Variants in PTPN21 observed in about 807,000 individuals in gnomAD.
PTPN21 encodes the protein protein tyrosine phosphatase non-receptor type 21.
In PTPN21, 77 loss-of-function variants were observed where a neutral mutation model predicts 131.8. The observed-to-expected ratio is 0.58, with a 90% CI of 0.49 to 0.71. The LOEUF (loss-of-function observed/expected upper bound fraction) is 0.71, where lower values mean the gene tolerates loss of function less well. Ranked by LOEUF, PTPN21 falls within the 30% of genes least tolerant of loss-of-function variation. The probability of loss-of-function intolerance (pLI) is 0.00; values close to 1 mark genes in which losing one functional copy is unlikely to be tolerated. For synonymous variants in PTPN21, 715 were observed against 621.3 expected (o/e 1.15, Z -2.24); for missense variants, 1,552 against 1,527.1 (o/e 1.02, Z -0.27).
Position 88,469,788 on chromosome 14 carries a change from T to A in PTPN21, c.3001-55A>T. On this transcript the variant is annotated intron_variant, in intron 16 of 18. Transcript: ENST00000556564. This position sits in a 1 kb window ranked among gnomAD's most constrained non-coding sequence, Gnocchi z 4.3. The stretch of plus-strand genomic sequence containing the variant: ...CGAGATCCGGCAATGGATGCCTTTC[T>A]CACATAGACGGCACATCTGAAACAG... 6.2e-7 allele frequency: 1 copy of A among 1,600,396 alleles called. No individual in the cohort carries two copies. Among genetic ancestry groups the A allele is most frequent in the East Asian group, 2.2e-5 (1 of 44,778 alleles).
At chr14:88,511,028 T>A (rs568308479) in intron 3 of PTPN21, among the ~76,000 whole-genome samples, 1 of 152,010 alleles carries the variant, frequency 6.6e-6, no homozygotes, top group South Asian at 2.1e-4. Context: ...TCCTTGAGCC[T>A]CAGCCTCCTG....
intron 2 of PTPN21, among the ~76,000 whole-genome samples, chr14:88,517,652 G>GCATATATACAGGTGTATATATACA (rs1555388042): frequency 2.9e-5 from 4 of 139,218 alleles, no homozygotes; most frequent in African/African-American, 1.1e-4. Flanking sequence ...TCATATATAT[G>GCATATATACAGGTGTATATATACA]TATATATACA....
At chr14:88,478,321 C>A (rs577890566) in intron 13 of PTPN21, among the ~76,000 whole-genome samples, 1 of 152,172 alleles carries the variant, frequency 6.6e-6, no homozygotes, top group Non-Finnish European at 1.5e-5. Flanking sequence ...CAGCTGAATT[C>A]ATCTTTCTTT....
chr14:88,515,939 T>G (rs1405038784), intron 3 of PTPN21, among the ~76,000 whole-genome samples: 2 of 152,188 alleles, frequency 1.3e-5, no homozygotes, highest in Non-Finnish European at 2.9e-5. Flanking sequence ...TCTCAGACTT[T>G]TACAGTCAGT....
Position 88,472,278 on chromosome 14 carries a change from T to C in PTPN21, c.2837A>G (p.Asn946Ser). The change falls in exon 15 of 19, where the codon AAC (asparagine) becomes AGC (serine). Residue 946 changes from asparagine to serine, a missense_variant. Asn to Ser is a conservative substitution (Grantham distance 46). Around this residue, in one of 4 missense-constraint regions of PTPN21, gnomAD observed 316 missense variants for 378.5 expected, o/e 0.83. Coordinates refer to ENST00000556564, the MANE Select transcript of PTPN21 (RefSeq NM_007039.4). ...VRVELVPTKE[N>S]NTGYINASHI... ...TGATGCGTTGATGTAACCAGTGTTG[T>C]TTTCTTTAGTTGGGACCAACTCCAC... 1 of 1,613,612 alleles carries C rather than the reference T, an allele frequency of 6.2e-7. No homozygotes were observed. The highest frequency in any genetic ancestry group is 8.5e-7 in the Non-Finnish European group (1 of 1,179,540).
intron 8 of PTPN21, among the ~76,000 whole-genome samples, chr14:88,498,879 GA>G (rs2077965211): frequency 6.7e-6 from 1 of 148,572 alleles, no homozygotes. Flanking sequence ...AATTATGGAA[GA>G]AAAAATTTTA....
At chr14:88,515,028 C>A (rs1430816623) in intron 3 of PTPN21, 1 of 152,080 alleles carries the variant, frequency 6.6e-6, no homozygotes, top group Non-Finnish European at 1.5e-5. Flanking sequence ...ATGTAATAGA[C>A]AGAACTCTGG....
chr14:88,501,496 A>G (rs952093685), intron 6 of PTPN21, 128 bp from the exon 7 acceptor site: 2 of 773,782 alleles, frequency 2.6e-6, no homozygotes, highest in Non-Finnish European at 4.3e-6. Context: ...CTAAGCATCT[A>G]TAATTGGCTA....
chr14:88,500,947 G>A, intron 7 of PTPN21, 76 bp from the exon 8 acceptor site: 1 of 1,055,298 alleles, frequency 9.5e-7, no homozygotes, highest in South Asian at 1.3e-5. Context: ...CCCTGGACTG[G>A]TTTCCCAGAT....
chr14:88,477,883 A>C (rs2077572203), intron 13 of PTPN21, among the ~76,000 whole-genome samples: 1 of 152,218 alleles, frequency 6.6e-6, no homozygotes, highest in African/African-American at 2.4e-5. Flanking sequence ...GACTGAGTTT[A>C]AAAGTTTCAG....
intron 3 of PTPN21, among the ~76,000 whole-genome samples, chr14:88,511,323 T>C (rs2078178469): frequency 6.6e-6 from 1 of 152,198 alleles, no homozygotes; most frequent in African/African-American, 2.4e-5. Context: ...AAAACCTTTT[T>C]GCTAAAATTT....
chr14:88,514,011 G>A (rs1191499144), intron 3 of PTPN21: 1 of 152,206 alleles, frequency 6.6e-6, no homozygotes, highest in African/African-American at 2.4e-5. Context: ...TTTCAATAGA[G>A]AGCTTCAAGT....
chr14:88,494,473 G>A (rs2077873921), intron 10 of PTPN21, among the ~76,000 whole-genome samples: 1 of 152,024 alleles, frequency 6.6e-6, no homozygotes, highest in African/African-American at 2.4e-5. Flanking sequence ...TTTGAGACCG[G>A]TGTGGGTAAC....
chr14:88,479,223 C>G lies in PTPN21; in HGVS notation c.2208G>C (p.Arg736=). ...CAGGTGGGTCCTGGGCCAGGCCGGG[C>G]CGAGGCTCGCGCGCACGTGCAGGAG... The part of the protein sequence containing the change: ...RAPPARAREP[R]PGLAQDPPGC... Residue 736 remains arginine, a synonymous_variant, in exon 13 of 19, where the codon CGG becomes CGC. Transcript: ENST00000556564. The G allele has an allele frequency of 6.2e-7, 1 of 1,601,358 alleles. No homozygotes were observed. Among genetic ancestry groups the G allele is most frequent in the South Asian group, 1.1e-5 (1 of 89,470 alleles).
Position 88,479,876 on chromosome 14 carries a change from G to A in PTPN21, c.1555C>T (p.His519Tyr). The change falls in exon 13 of 19, where the codon CAC becomes TAC. Residue 519 changes from histidine to tyrosine, a missense_variant. By Grantham distance (83) the His-to-Tyr change is moderately conservative (BLOSUM62 2). Transcript: ENST00000556564. ...HCPFSLSYSF[H>Y]SPSPYPYPAE... ...GGGTAGGGGTAGGGAGACGGGCTGT[G>A]GAAGCTGTAGCTCAGGCTGAACGGG... 6.3e-7 allele frequency: 1 copy of A among 1,581,362 alleles called. No homozygotes were observed. The highest frequency in any genetic ancestry group is 8.6e-7 in the Non-Finnish European group (1 of 1,167,600).
intron 3 of PTPN21, chr14:88,515,390 C>A (rs1351139486): frequency 7.9e-5 from 12 of 152,134 alleles, no homozygotes; most frequent in African/African-American, 2.9e-4. Context: ...TATTCCTAAA[C>A]TGGTGTCCTG....
chr14:88,521,746 T>C (rs1252105452), intron 2 of PTPN21, among the ~76,000 whole-genome samples: 1 of 151,980 alleles, frequency 6.6e-6, no homozygotes, highest in Non-Finnish European at 1.5e-5. Context: ...GAAAAGGTCT[T>C]AAAAATACCC....
chr14:88,492,015 G>T, intron 10 of PTPN21, among the ~76,000 whole-genome samples: 1 of 143,850 alleles, frequency 7.0e-6, no homozygotes, highest in South Asian at 2.2e-4. Flanking sequence ...CTTATTACAA[G>T]TTGTTAATTT....
chr14:88,503,753 A>G (rs143351477), intron 6 of PTPN21: 3 of 152,298 alleles, frequency 2.0e-5, no homozygotes, highest in Admixed American at 6.5e-5. Flanking sequence ...AGTATTTTCA[A>G]CTTACTATGG....
Sources: allele counts gnomAD v4.1 joint callset (sites outside exome capture counted in the v4.1 genomes callset), GRCh38; gene constraint gnomAD v4.1.1; regional missense constraint gnomAD v4.1.1; non-coding constraint Gnocchi (gnomAD v3.1); transcripts MANE v1.5; gene names NCBI Gene and HGNC (gene_info 2026-07-23, HGNC 2026-07-21).